ATM: variants seen among roughly 807,000 people sequenced by gnomAD.
ATM encodes ATM serine/threonine kinase, also known as serine-protein kinase ATM.
A neutral mutation model predicts 387.0 loss-of-function variants in ATM; 308 were observed. That is an observed-to-expected ratio of 0.80 (90% CI 0.73 to 0.87). The LOEUF (loss-of-function observed/expected upper bound fraction) is 0.87, where lower values mean the gene tolerates loss of function less well. Among genes scored for constraint, ATM ranks in the 40% least tolerant of loss-of-function variants. The pLI, the probability that ATM is intolerant of heterozygous loss-of-function variation, is 0.00. For synonymous variants in ATM, 1,156 were observed against 1,187.3 expected, an observed-to-expected ratio of 0.97 and a Z score of 0.54; for missense variants, 3,312 against 3,560.9, an observed-to-expected ratio of 0.93 and a Z score of 1.78.
intron 61 of ATM, among the ~76,000 whole-genome samples, chr11:108,357,206 C>T (rs890704057): frequency 1.3e-5 from 2 of 152,212 alleles, no homozygotes; most frequent in Non-Finnish European, 2.9e-5. Context: ...AAAATCGGGT[C>T]ACTCCCACCC....
chr11:108,305,681 C>T (rs1371652067), intron 37 of ATM, among the ~76,000 whole-genome samples: 2 of 152,110 alleles, frequency 1.3e-5, no homozygotes, highest in Non-Finnish European at 2.9e-5. Context: ...TTTATTTACT[C>T]TTATAACCTA....
chr11:108,310,166 T>C lies in ATM; in HGVS notation c.5769T>C (p.Ser1923=), dbSNP rs1060504280. The C allele has an allele frequency of 1.9e-6, 3 of 1,613,276 alleles. No homozygotes were observed. In the African/African-American group the frequency reaches 4.0e-5, roughly 22 times the overall value. Reference sequence around the variant, plus strand: ...ATATCTCATTTTTCTTTAGACCTTCTTCAGGAACAATTTTTAATGATGCTT... The same window carrying C: ...ATATCTCATTTTTCTTTAGACCTTCCTCAGGAACAATTTTTAATGATGCTT... The part of the protein sequence containing the change: ...VDYMRRQKRP[S]SGTIFNDAFW... The change falls in exon 39 of 63, where the codon TCT becomes TCC. Residue 1923 remains serine (S), a synonymous_variant. Coordinates refer to ENST00000675843, the MANE Select transcript of ATM (RefSeq NM_000051.4).
chr11:108,226,254 A>T (rs1438052519), intron 1 of ATM: 1 of 152,018 alleles, frequency 6.6e-6, no homozygotes, highest in Non-Finnish European at 1.5e-5. Flanking sequence ...TCAGGTAGTG[A>T]GCATAGTACC....
chr11:108,266,445 T>A, intron 16 of ATM, among the ~76,000 whole-genome samples: 1 of 136,702 alleles, frequency 7.3e-6, no homozygotes. Context: ...TGAGATCACA[T>A]GGACACAGGA....
chr11:108,241,750 T>C (rs1317502302), intron 5 of ATM, among the ~76,000 whole-genome samples: 5 of 134,096 alleles, frequency 3.7e-5, no homozygotes, highest in African/African-American at 8.5e-5. Flanking sequence ...TTCTTTTTTT[T>C]TTTTTTTTTT....
intron 61 of ATM, among the ~76,000 whole-genome samples, chr11:108,358,057 G>C (rs1205573292): frequency 3.4e-5 from 5 of 147,024 alleles, no homozygotes; most frequent in Admixed American, 6.8e-5. Context: ...AAAAAATTTA[G>C]AAGAATGTAT....
At chr11:108,356,988 G>C (rs1297583837) in intron 61 of ATM, among the ~76,000 whole-genome samples, 1 of 152,232 alleles carries the variant, frequency 6.6e-6, no homozygotes, top group Non-Finnish European at 1.5e-5. Context: ...CTCCCAGCGT[G>C]AGCGATGCAG....
At chr11:108,300,641 T>G (rs1048837673) in intron 34 of ATM, among the ~76,000 whole-genome samples, 2 of 152,240 alleles carry the variant, frequency 1.3e-5, no homozygotes, top group African/African-American at 4.8e-5. Flanking sequence ...GTTATTGATT[T>G]AATGTACCTG....
rs1591142466 is a variant in ATM at position 108,327,686 on chromosome 11, G to A, written c.7017G>A (p.Arg2339=). 6.2e-7 allele frequency: 1 copy of A among 1,613,846 alleles called. No individual in the cohort carries two copies. The highest frequency in any genetic ancestry group is 1.3e-5 in the African/African-American group (1 of 74,896). ...SLKLTYTECL[R]VCGNWLAETC... is the part of the protein sequence containing the mutation. ...AACTTACATACACAGAATGTCTGAG[G>A]GTTTGTGGCAACTGGTTAGCAGAAA... Residue 2339 remains arginine, a synonymous_variant, in exon 48 of 63, where the codon AGG becomes AGA. Transcript: ENST00000675843.
chr11:108,274,005 G>A (rs1010725245), intron 22 of ATM, among the ~76,000 whole-genome samples: 4 of 152,124 alleles, frequency 2.6e-5, no homozygotes, highest in Admixed American at 2.6e-4. Flanking sequence ...CTGGTCCTGG[G>A]CTTTTTTTGG....
At chr11:108,223,686 G>A (rs1338440657) in intron 1 of ATM, 2 of 152,230 alleles carry the variant, frequency 1.3e-5, no homozygotes, top group Non-Finnish European at 2.9e-5. Context: ...GTATTTACCA[G>A]GTACAGATAA....
chr11:108,352,084 G>C (rs967816018), intron 59 of ATM, among the ~76,000 whole-genome samples: 13 of 152,254 alleles, frequency 8.5e-5, no homozygotes, highest in African/African-American at 2.2e-4. Flanking sequence ...CCTGAGTCTC[G>C]TAATAACTAA....
At position 108,259,063 on chromosome 11, in the gene ATM, T is replaced by C; in HGVS notation, c.2454T>C (p.Ile818=). 1 of 1,612,832 alleles carries C rather than the reference T, an allele frequency of 6.2e-7. No individual in the cohort carries two copies. The highest frequency in any genetic ancestry group is 1.1e-5 in the South Asian group (1 of 91,020). The change falls in exon 16 of 63, where the codon ATT becomes ATC. Residue 818 remains isoleucine, a synonymous_variant. Coordinates refer to ENST00000675843, the MANE Select transcript of ATM (RefSeq NM_000051.4). ...TSKLMNDIAD[I]CKSLASFIKK... ...AGCTAATGAATGACATTGCAGATAT[T>C]TGTAAAAGTTTAGTAAGTATGCTTC...
At chr11:108,258,756 T>C (rs1044725292) in intron 15 of ATM, among the ~76,000 whole-genome samples, 1 of 152,226 alleles carries the variant, frequency 6.6e-6, no homozygotes, top group Non-Finnish European at 1.5e-5. Context: ...TATAGCTCAC[T>C]TATCTTTAGG....
At chr11:108,333,137 C>T (rs770230207) in intron 53 of ATM, among the ~76,000 whole-genome samples, 1 of 152,144 alleles carries the variant, frequency 6.6e-6, no homozygotes, top group African/African-American at 2.4e-5. Context: ...TGATAATCTT[C>T]TGGCATACAT....
At chr11:108,224,419 C>T (rs904537566) in intron 1 of ATM, 8 of 152,158 alleles carry the variant, frequency 5.3e-5, no homozygotes, top group Non-Finnish European at 1.2e-4. Context: ...TTCAGAGGCT[C>T]GTAGGAAGTA....
At position 108,310,176 on chromosome 11, in the gene ATM, A is replaced by G. The variant is rs753218533; in HGVS notation, c.5779A>G (p.Ile1927Val). The G allele has an allele frequency of 3.1e-6, 5 of 1,613,476 alleles. No homozygotes were observed. Among genetic ancestry groups the G allele is most frequent in the Non-Finnish European group, 3.4e-6 (4 of 1,179,680 alleles). Residue 1927 changes from isoleucine (I) to valine (V), a missense_variant, in exon 39 of 63, where the codon ATT (isoleucine) becomes GTT (valine). Around this residue, in one of 4 missense-constraint regions of ATM, gnomAD observed 1,405 missense variants for 1,604.4 expected, o/e 0.88. Coordinates refer to ENST00000675843, the MANE Select transcript of ATM (RefSeq NM_000051.4). Reference protein sequence around the residue: ...RRQKRPSSGTIFNDAFWLDLN... With the variant: ...RRQKRPSSGTVFNDAFWLDLN... Reference sequence around the variant, plus strand: ...TTTCTTTAGACCTTCTTCAGGAACAATTTTTAATGATGCTTTCTGGCTGGA... The same window carrying G: ...TTTCTTTAGACCTTCTTCAGGAACAGTTTTTAATGATGCTTTCTGGCTGGA...
chr11:108,273,407 T>C (rs1361155470), intron 22 of ATM, among the ~76,000 whole-genome samples: 2 of 147,820 alleles, frequency 1.4e-5, no homozygotes, highest in Non-Finnish European at 3.0e-5. Flanking sequence ...AATGGTGTGA[T>C]CTCGGTTCAC....
chr11:108,286,617 G>A (rs985011418), intron 26 of ATM, among the ~76,000 whole-genome samples: 8 of 152,132 alleles, frequency 5.3e-5, no homozygotes, highest in Admixed American at 1.3e-4. Context: ...ATCTGCCACA[G>A]TAAAAGGGAG....
Sources: gnomAD v4.1 joint callset for allele counts (sites outside exome capture counted in the v4.1 genomes callset) on GRCh38, gnomAD v4.1.1 for gene constraint, gnomAD v4.1.1 regional missense constraint, MANE v1.5 for transcripts, NCBI Gene and HGNC (gene_info 2026-07-23, HGNC 2026-07-21) for gene names.